ITGA8: variants seen among roughly 807,000 people sequenced by gnomAD.
The protein encoded by ITGA8 is integrin alpha-8.
ITGA8 carries 91 observed loss-of-function variants against 142.3 expected under a neutral mutation model. That is an observed-to-expected ratio of 0.64 (90% CI 0.54 to 0.76). The LOEUF is 0.76. ITGA8 is among the 30% of genes least tolerant of loss of function. The probability of loss-of-function intolerance (pLI) is 0.00; values close to 1 mark genes in which losing one functional copy is unlikely to be tolerated. For synonymous variants in ITGA8, 505 were observed against 485.2 expected, an observed-to-expected ratio of 1.04 and a Z score of -0.54; for missense variants, 1,406 against 1,327.7, an observed-to-expected ratio of 1.06 and a Z score of -0.92.
intron 13 of ITGA8, among the ~76,000 whole-genome samples, chr10:15,625,248 CA>C (rs1833560662): frequency 1.3e-5 from 2 of 152,132 alleles, no homozygotes. Flanking sequence ...AACAATCCCA[CA>C]AAAAATAACA....
At chr10:15,544,616 G>T (rs545685061) in intron 27 of ITGA8, among the ~76,000 whole-genome samples, 123 of 152,280 alleles carry the variant, frequency 8.1e-4, no homozygotes, top group Non-Finnish European at 1.4e-3. Context: ...CAGACAAATT[G>T]CATCTAAAAG....
intron 2 of ITGA8, among the ~76,000 whole-genome samples, chr10:15,717,982 A>G (rs1835484915): frequency 6.6e-6 from 1 of 152,200 alleles, no homozygotes; most frequent in South Asian, 2.1e-4. Context: ...ACATATTCGC[A>G]TTTTTCTGGA....
At chr10:15,604,044 A>T (rs771981195) in intron 20 of ITGA8, among the ~76,000 whole-genome samples, 164 bp downstream of exon 20, 1 of 152,096 alleles carries the variant, frequency 6.6e-6, no homozygotes, top group Non-Finnish European at 1.5e-5. Flanking sequence ...GTGTAAGCCC[A>T]CCCCTGCTTT....
chr10:15,586,656 T>G lies in ITGA8; in HGVS notation c.2300A>C (p.Lys767Thr). 6.2e-7 allele frequency: 1 copy of G among 1,603,792 alleles called. No individual in the cohort carries two copies. The highest frequency in any genetic ancestry group is 8.5e-7 in the Non-Finnish European group (1 of 1,170,742). ...CACAAAATTGCTGTCTGGATTGTCC[T>G]TGTTGGAACTAAAACACAAGGACAT... ...NFDLQIRSSN[K>T]DNPDSNFVSL... The change falls in exon 23 of 30, where the codon AAG (lysine) becomes ACG (threonine). Residue 767 changes from lysine (K) to threonine (T), a missense_variant. Coordinates refer to ENST00000378076, the MANE Select transcript of ITGA8 (RefSeq NM_003638.3).
At chr10:15,629,962 A>T (rs1412859755) in intron 13 of ITGA8, among the ~76,000 whole-genome samples, 3 of 151,988 alleles carry the variant, frequency 2.0e-5, no homozygotes, top group Non-Finnish European at 4.4e-5. Context: ...AAACAAAAAA[A>T]CAAGTTTGGA....
chr10:15,633,385 T>C (rs1833716898), intron 13 of ITGA8, among the ~76,000 whole-genome samples: 1 of 152,202 alleles, frequency 6.6e-6, no homozygotes, highest in African/African-American at 2.4e-5. Flanking sequence ...TTTCATTACA[T>C]AAAACTGAAA....
Position 15,549,213 on chromosome 10 carries a change from T to TTATTTTTATTTA in ITGA8, c.2767-646_2767-645insTAAATAAAAATA, listed in dbSNP as rs1329401767. Reference sequence around the variant, plus strand: ...TCTTTTCTTTTCTGTTTTTTTTTTTTTTTTTTTTTTTTTTGAGACAGAGTT... The same window carrying TTATTTTTATTTA: ...TCTTTTCTTTTCTGTTTTTTTTTTTTTATTTTTATTTATTTTTTTTTTTTTTGAGACAGAGTT... On this transcript the variant is annotated intron_variant, in intron 26 of 29. Coordinates refer to ENST00000378076, the MANE Select transcript of ITGA8 (RefSeq NM_003638.3). 1.0e-3 allele frequency among the ~76,000 whole-genome samples: 36 copies of TTATTTTTATTTA among 35,516 alleles called. 1 individual carries two copies. Among genetic ancestry groups the TTATTTTTATTTA allele is most frequent in the Admixed American group, 3.9e-3 (7 of 1,808 alleles). 23.3% of individuals were successfully genotyped at this position (35,516 alleles called of 152,430 possible). A position where few individuals can be genotyped will look rare whatever the true frequency, so the allele number is the denominator to read the frequency against.
intron 20 of ITGA8, among the ~76,000 whole-genome samples, chr10:15,603,035 GT>G (rs913142499): frequency 1.8e-4 from 27 of 149,230 alleles, no homozygotes; most frequent in East Asian, 3.9e-4. Context: ...TGACTTTGGA[GT>G]TTTTTTTTTC....
intron 13 of ITGA8, 111 bp from the exon 14 acceptor site, chr10:15,616,670 G>T: frequency 2.4e-6 from 2 of 848,588 alleles, no homozygotes; most frequent in Non-Finnish European, 2.0e-6. Flanking sequence ...TGGTACGAGA[G>T]CCACAAAATT....
rs1009523663 is a variant in ITGA8, at chr10:15,619,297, T to TA, written c.1400-2739dup. On this transcript the variant is annotated intron_variant, in intron 13 of 29. Transcript: ENST00000378076. The stretch of plus-strand genomic sequence containing the variant: ...AGACACAATAATACTTGTTAAAATT[T>TA]AAAAAAAAATGATCTGAAAGTTCTC... Among the ~76,000 whole-genome samples, 683 of 151,366 alleles carry TA rather than the reference T, an allele frequency of 4.5e-3. 1 individual carries two copies. Among genetic ancestry groups the TA allele is most frequent in the Non-Finnish European group, 7.4e-3 (504 of 67,844 alleles).
chr10:15,547,097 G>A (rs1419627927), intron 27 of ITGA8, among the ~76,000 whole-genome samples: 1 of 151,990 alleles, frequency 6.6e-6, no homozygotes, highest in Non-Finnish European at 1.5e-5. Flanking sequence ...TAAACCAAAT[G>A]AGTTTGTTTA....
At chr10:15,618,266 A>G (rs1430127601) in intron 13 of ITGA8, among the ~76,000 whole-genome samples, 1 of 152,202 alleles carries the variant, frequency 6.6e-6, no homozygotes, top group East Asian at 1.9e-4. Context: ...CTTGGTAGAA[A>G]TAAGGGCCAC....
intron 13 of ITGA8, among the ~76,000 whole-genome samples, chr10:15,635,918 TACACACAC>T (rs4030579): frequency 1.8e-4 from 26 of 143,044 alleles, no homozygotes; most frequent in East Asian, 1.2e-3. Flanking sequence ...TTGCTTATAC[TACACACAC>T]ACACACACAC....
intron 27 of ITGA8, among the ~76,000 whole-genome samples, chr10:15,541,489 T>A (rs7098012): frequency 0.055 from 8,419 of 152,292 alleles, 758 homozygotes; most frequent in African/African-American, 0.19. Flanking sequence ...CTTCCTGAGC[T>A]ACTCGCCTTA....
At chr10:15,699,240 C>T (rs1835113646) in intron 2 of ITGA8, among the ~76,000 whole-genome samples, 2 of 152,188 alleles carry the variant, frequency 1.3e-5, no homozygotes, top group South Asian at 4.1e-4. Context: ...GCTAAGATTA[C>T]ACCACTGTAC....
chr10:15,646,755 C>T, intron 12 of ITGA8, 91 bp downstream of exon 12: 1 of 888,888 alleles, frequency 1.1e-6, no homozygotes, highest in Non-Finnish European at 1.8e-6. Flanking sequence ...TGCACCCACA[C>T]ACACCATACT....
intron 22 of ITGA8, among the ~76,000 whole-genome samples, chr10:15,591,810 T>C (rs1832928211): frequency 6.6e-6 from 1 of 152,168 alleles, no homozygotes; most frequent in Non-Finnish European, 1.5e-5. Context: ...ATTCATTCAT[T>C]CTTGAAAATT....
chr10:15,670,832 C>G (rs923594017), intron 8 of ITGA8, among the ~76,000 whole-genome samples: 4 of 152,160 alleles, frequency 2.6e-5, no homozygotes, highest in Admixed American at 1.3e-4. Flanking sequence ...AGACTTTGCT[C>G]GAAGCCAATC....
chr10:15,619,705 C>CTT (rs142189790), intron 13 of ITGA8, among the ~76,000 whole-genome samples: 16 of 151,688 alleles, frequency 1.1e-4, no homozygotes, highest in East Asian at 9.7e-4. Flanking sequence ...CAGATTGGTA[C>CTT]TTTTTTTTTC....
Sources: gnomAD v4.1 joint callset for allele counts (sites outside exome capture counted in the v4.1 genomes callset) on GRCh38, gnomAD v4.1.1 for gene constraint, MANE v1.5 for transcripts, NCBI Gene and HGNC (gene_info 2026-07-23, HGNC 2026-07-21) for gene names.